The following LCP1 variants were observed in gnomAD, a reference collection of about 807,000 sequenced individuals.
LCP1 encodes the protein lymphocyte cytosolic protein 1.
A neutral mutation model predicts 72.0 loss-of-function variants in LCP1; 23 were observed. That is an observed-to-expected ratio of 0.32 (90% CI 0.23 to 0.45). The LOEUF (loss-of-function observed/expected upper bound fraction) is 0.45. Ranked by LOEUF, LCP1 falls within the 20% of genes least tolerant of loss-of-function variation. The pLI is 1.00. For missense variants in LCP1, 571 were observed against 748.3 expected, an observed-to-expected ratio of 0.76 and a Z score of 2.76; for synonymous variants, 245 against 275.4, an observed-to-expected ratio of 0.89 and a Z score of 1.09.
rs76621533 is a variant in LCP1, at chr13:46,150,636, T to G, written c.882+300A>C. 7.8e-3 allele frequency among the ~76,000 whole-genome samples: 1,191 copies of G among 152,228 alleles called. 12 individuals carry two copies. The highest frequency in any genetic ancestry group is 0.032 in the Admixed American group (486 of 15,280). On this transcript the variant is annotated intron_variant, in intron 8 of 15. Coordinates refer to ENST00000323076, the MANE Select transcript of LCP1 (RefSeq NM_002298.5). ...AGAGACATTACAGACCTACATATAT[T>G]CCCTTTACTTGGACAGCAGACTGTT...
At position 46,158,619 on chromosome 13, in the gene LCP1, G is replaced by A. The variant is rs1460500932; in HGVS notation, c.261C>T (p.Ala87=). The A allele has an allele frequency of 1.9e-6, 3 of 1,613,928 alleles. No individual in the cohort carries two copies. Among genetic ancestry groups the A allele is most frequent in the Non-Finnish European group, 2.5e-6 (3 of 1,180,018 alleles). The part of the protein sequence containing the change: ...IFHGLKSTDV[A]KTFRKAINKK... ...TATTGATTGCTTTTCTAAAGGTCTT[G>A]GCAACATCTGTGCTTTTTAGGCCAT... is the stretch of plus-strand genomic sequence containing the variant. The change falls in exon 4 of 16, where the codon GCC becomes GCT. Residue 87 remains alanine (A), a synonymous_variant. Coordinates refer to ENST00000323076, the MANE Select transcript of LCP1 (RefSeq NM_002298.5).
At chr13:46,176,875 TTGTGTGTG>T (rs58990974) in intron 1 of LCP1, among the ~76,000 whole-genome samples, 5 of 143,748 alleles carry the variant, frequency 3.5e-5, no homozygotes, top group East Asian at 2.1e-4. Context: ...GTGTGTTTAT[TTGTGTGTG>T]TGTGTGTGTG....
intron 1 of LCP1, among the ~76,000 whole-genome samples, chr13:46,175,126 A>T (rs1330967722): frequency 1.3e-5 from 2 of 152,208 alleles, no homozygotes; most frequent in Non-Finnish European, 1.5e-5. Flanking sequence ...TGGAATAAGG[A>T]TATAATTAAT....
At chr13:46,156,151 T>G (rs2045800014) in intron 5 of LCP1, among the ~76,000 whole-genome samples, 2 of 152,256 alleles carry the variant, frequency 1.3e-5, no homozygotes. Context: ...TCTAATACAT[T>G]GATTAGACAT....
At chr13:46,157,244 A>T (rs936746302) in intron 4 of LCP1, among the ~76,000 whole-genome samples, 2 of 149,812 alleles carry the variant, frequency 1.3e-5, no homozygotes, top group African/African-American at 4.9e-5. Context: ...TTTTATTTAT[A>T]TGTGCATGTA....
At chr13:46,131,258 C>T (rs1013400199) in intron 14 of LCP1, among the ~76,000 whole-genome samples, 10 of 152,124 alleles carry the variant, frequency 6.6e-5, no homozygotes, top group Admixed American at 5.9e-4. Context: ...CAAAAATGCT[C>T]GGCATCACTA....
At chr13:46,135,206 A>G (rs1274934878) in intron 13 of LCP1, among the ~76,000 whole-genome samples, 2 of 152,094 alleles carry the variant, frequency 1.3e-5, no homozygotes, top group Non-Finnish European at 2.9e-5. Flanking sequence ...AGGGAAATGC[A>G]TGGGAGAAAG....
rs1236741998 is a variant in LCP1, at chr13:46,132,378, ACAGCCT to A, written c.1627-1446_1627-1441del. ...GTGACCTATAGATACACTACACTCT[ACAGCCT>A]CACCCCACAGGTAAAAGGCATTTTC... On this transcript the variant is annotated intron_variant, in intron 14 of 15. Coordinates refer to ENST00000323076, the MANE Select transcript of LCP1 (RefSeq NM_002298.5). Among the ~76,000 whole-genome samples, 12 of 152,310 alleles carry A rather than the reference ACAGCCT, an allele frequency of 7.9e-5. No homozygotes were observed. In the South Asian group the frequency reaches 1.0e-3, roughly 13 times the overall value.
chr13:46,170,226 A>C (rs1566446027), intron 1 of LCP1, among the ~76,000 whole-genome samples: 1 of 152,228 alleles, frequency 6.6e-6, no homozygotes, highest in South Asian at 2.1e-4. Context: ...AAGGCTACTA[A>C]ATGCTTCAAA....
intron 5 of LCP1, 124 bp downstream of exon 5, chr13:46,156,314 C>T: frequency 4.6e-6 from 5 of 1,088,368 alleles, no homozygotes; most frequent in Non-Finnish European, 6.7e-6. Flanking sequence ...AAGTGAAAGT[C>T]CAGAAAAGCC....
chr13:46,165,643 C>T (rs1249806665), intron 1 of LCP1, among the ~76,000 whole-genome samples: 4 of 152,082 alleles, frequency 2.6e-5, no homozygotes, highest in South Asian at 2.1e-4. Context: ...CAGCTCTGCC[C>T]GACTGCTCCT....
At chr13:46,138,357 A>T (rs1432537616) in intron 13 of LCP1, among the ~76,000 whole-genome samples, 8 of 152,200 alleles carry the variant, frequency 5.3e-5, no homozygotes, top group Admixed American at 5.2e-4. Flanking sequence ...CAGGGAAAAA[A>T]ATCCCTTCCG....
intron 9 of LCP1, 55 bp downstream of exon 9, chr13:46,148,297 T>C: frequency 7.8e-7 from 1 of 1,275,262 alleles, no homozygotes; most frequent in Non-Finnish European, 1.1e-6. Context: ...GTAATGGAAC[T>C]GCCAACATGA....
chr13:46,135,236 A>G (rs2045658087), intron 13 of LCP1, among the ~76,000 whole-genome samples: 1 of 152,124 alleles, frequency 6.6e-6, no homozygotes, highest in South Asian at 2.1e-4. Context: ...CCAGGAACAC[A>G]TGGGTTTGTG....
chr13:46,141,405 C>CAAAAA (rs762462829), intron 13 of LCP1, among the ~76,000 whole-genome samples: 14 of 52,296 alleles, frequency 2.7e-4, no homozygotes, highest in African/African-American at 5.1e-4. Flanking sequence ...GACTCTGTCT[C>CAAAAA]AAAAAAAAAA....
chr13:46,174,848 A>G (rs866247551), intron 1 of LCP1, among the ~76,000 whole-genome samples: 5 of 149,266 alleles, frequency 3.3e-5, no homozygotes, highest in South Asian at 2.1e-4. Flanking sequence ...AAAAAAAAAA[A>G]AAAGAAAAAA....
rs745890489 is a variant in LCP1 at position 46,144,514 on chromosome 13, G to A, written c.1181C>T (p.Thr394Met). Residue 394 changes from threonine to methionine, a missense_variant, in exon 11 of 16, where the codon ACG becomes ATG. Coordinates refer to ENST00000323076, the MANE Select transcript of LCP1 (RefSeq NM_002298.5). ...DIDWGALEGE[T>M]REERTFRNWM... ...GTTCCTAAATGTCCGCTCTTCTCTC[G>A]TCTCACCTAGATGAATGAAGATGGG... The A allele has an allele frequency of 3.7e-6, 6 of 1,611,840 alleles. No individual in the cohort carries two copies. The highest frequency in any genetic ancestry group is 3.3e-5 in the South Asian group (3 of 91,046).
At position 46,126,256 on chromosome 13, in the gene LCP1, G is replaced by C. The variant is rs1346910235; in HGVS notation, c.*1335C>G. On this transcript the variant is annotated 3_prime_UTR_variant, in exon 16 of 16. Coordinates refer to ENST00000323076, the MANE Select transcript of LCP1 (RefSeq NM_002298.5). ...TGATGGAGCTTTTCACCATGATAGA[G>C]GGCGTCTTGCATTGGTTCACAATGG... 3.5e-5 allele frequency: 8 copies of C among 227,404 alleles called. No homozygotes were observed. Among genetic ancestry groups the C allele is most frequent in the African/African-American group, 1.8e-4 (8 of 45,018 alleles). 14.1% of individuals were successfully genotyped at this position (227,404 alleles called of 1,614,324 possible). A position where few individuals can be genotyped will look rare whatever the true frequency, so the allele number is the denominator to read the frequency against.
At chr13:46,165,261 C>G (rs1171528898) in intron 1 of LCP1, among the ~76,000 whole-genome samples, 2 of 152,052 alleles carry the variant, frequency 1.3e-5, no homozygotes, top group African/African-American at 4.8e-5. Context: ...GTGATCCCAG[C>G]TACTCGGGAG....
Sources: gnomAD v4.1 joint callset for allele counts (sites outside exome capture counted in the v4.1 genomes callset) on GRCh38, gnomAD v4.1.1 for gene constraint, MANE v1.5 for transcripts, NCBI Gene and HGNC (gene_info 2026-07-23, HGNC 2026-07-21) for gene names.